SAMHD1: variants seen among roughly 807,000 people sequenced by gnomAD.
SAMHD1 encodes deoxynucleoside triphosphate triphosphohydrolase SAMHD1.
SAMHD1 carries 54 observed loss-of-function variants against 79.6 expected under a neutral mutation model. That is an observed-to-expected ratio of 0.68 (90% CI 0.55 to 0.85). The LOEUF (loss-of-function observed/expected upper bound fraction) is 0.85. SAMHD1 is among the 40% of genes least tolerant of loss of function. SAMHD1 has a pLI of 0.00. For synonymous variants in SAMHD1, 260 were observed against 264.1 expected (o/e 0.98, Z 0.15); for missense variants, 663 against 782.7 (o/e 0.85, Z 1.82).
At chr20:36,937,028 C>A (rs545130540) in intron 3 of SAMHD1, among the ~76,000 whole-genome samples, 2 of 151,744 alleles carry the variant, frequency 1.3e-5, no homozygotes, top group East Asian at 3.9e-4. Context: ...GTTATCCCAG[C>A]TACTCAGGAG....
intron 6 of SAMHD1, among the ~76,000 whole-genome samples, chr20:36,923,497 A>C (rs1201821190): frequency 1.3e-5 from 2 of 152,186 alleles, no homozygotes; most frequent in Non-Finnish European, 2.9e-5. Flanking sequence ...TAAATATATC[A>C]ATGCCAACTG....
chr20:36,910,373 A>G (rs902042523), intron 11 of SAMHD1, among the ~76,000 whole-genome samples: 5 of 152,020 alleles, frequency 3.3e-5, no homozygotes, highest in Non-Finnish European at 7.3e-5. Flanking sequence ...ACTGCACTCC[A>G]GCCTGGATGA....
rs770377403 is a variant in SAMHD1, at chr20:36,912,476, T to C, written c.1139A>G (p.Asn380Ser). Residue 380 changes from asparagine (N) to serine (S), a missense_variant, in exon 10 of 16, where the codon AAC becomes AGC. Physicochemically the swap from Asn to Ser is conservative, Grantham distance 46. Transcript: ENST00000646673. ...AGTTTCTTACATTGTATCAATAATG[T>C]TGCCAACTTTGTGTTGATAAGCTCT... is the stretch of plus-strand genomic sequence containing the variant. ...HRRAYQHKVG[N>S]IIDTMITDAF... The C allele has an allele frequency of 1.9e-6, 3 of 1,610,058 alleles. No homozygotes were observed. Among genetic ancestry groups the C allele is most frequent in the South Asian group, 2.2e-5 (2 of 90,976 alleles).
At chr20:36,897,543 C>T in intron 15 of SAMHD1, 1 of 474,806 alleles carries the variant, frequency 2.1e-6, no homozygotes. Flanking sequence ...CTTCCAGGGC[C>T]ACTGGTGAAC....
At chr20:36,924,482 A>G (rs1298749331) in intron 6 of SAMHD1, among the ~76,000 whole-genome samples, 2 of 152,204 alleles carry the variant, frequency 1.3e-5, no homozygotes, top group Admixed American at 6.5e-5. Context: ...AGAGGAGGTG[A>G]TAACAAAAGT....
intron 15 of SAMHD1, chr20:36,893,295 C>A (rs1246931202): frequency 4.8e-5 from 28 of 585,110 alleles, no homozygotes; most frequent in Non-Finnish European, 7.9e-5. Flanking sequence ...CTGGCCTCTG[C>A]AGAGATGACT....
chr20:36,909,492 A>C (rs2063423956), intron 11 of SAMHD1, among the ~76,000 whole-genome samples: 1 of 151,250 alleles, frequency 6.6e-6, no homozygotes, highest in Admixed American at 6.6e-5. Context: ...GACATGGTGA[A>C]ACCCCGTCTC....
At chr20:36,913,550 C>T (rs1346459797) in intron 9 of SAMHD1, among the ~76,000 whole-genome samples, 10 of 148,672 alleles carry the variant, frequency 6.7e-5, no homozygotes, top group Admixed American at 5.4e-4. Flanking sequence ...TTGCAGTGAG[C>T]GGAGATCACG....
rs771698070 is a variant in SAMHD1, at chr20:36,947,405, G to GGTGTGTGTGTGT, written c.209-613_209-602dup. 1.0e-4 allele frequency among the ~76,000 whole-genome samples: 3 copies of GGTGTGTGTGTGT among 29,130 alleles called. 1 individual carries two copies. The highest frequency in any genetic ancestry group is 2.4e-4 in the African/African-American group (1 of 4,134). 19.1% of individuals were successfully genotyped at this position (29,130 alleles called of 152,430 possible). A position where few individuals can be genotyped will look rare whatever the true frequency, so the allele number is the denominator to read the frequency against. ...GAAGAGGTGTGTGTGATTTGGAAGA[G>GGTGTGTGTGTGT]GTGTGTGTGTGTGTGTGTGTGTGTG... On this transcript the variant is annotated intron_variant, in intron 1 of 15. Transcript: ENST00000646673.
Position 36,935,199 on chromosome 20 carries a change from T to C in SAMHD1, c.349-10A>G. 1 of 1,606,760 alleles carries C rather than the reference T, an allele frequency of 6.2e-7. No individual in the cohort carries two copies. ...TAGGATCATTAATTACCTAGAAAAT[T>C]ATGTTTAATTAATACAAATAACGAC... On this transcript the variant is annotated splice_polypyrimidine_tract_variant and intron_variant, in intron 3 of 15. Coordinates refer to ENST00000646673, the MANE Select transcript of SAMHD1 (RefSeq NM_015474.4).
Position 36,905,227 on chromosome 20 carries a change from C to G in SAMHD1, c.1410+137G>C, listed in dbSNP as rs926511086. 25 of 940,744 alleles carry G rather than the reference C, an allele frequency of 2.7e-5. No homozygotes were observed. The Admixed American group carries it at 3.0e-4, about 11-fold the overall frequency. The allele number at this position is 940,744 out of a possible 1,614,324, so 58.3% of individuals were successfully genotyped here. On this transcript the variant is annotated intron_variant, in intron 12 of 15. Transcript: ENST00000646673. Reference sequence around the variant, plus strand: ...CTATCTGTAAAACAGGCCTAAGACCCCTGCACTACTGTGAAGATTAAATGA... The same window carrying G: ...CTATCTGTAAAACAGGCCTAAGACCGCTGCACTACTGTGAAGATTAAATGA...
chr20:36,905,718 C>A (rs1461488561), intron 11 of SAMHD1, among the ~76,000 whole-genome samples: 2 of 152,150 alleles, frequency 1.3e-5, no homozygotes, highest in Non-Finnish European at 1.5e-5. Context: ...TGCCTGCAAT[C>A]CCAGCACTCT....
At position 36,890,419 on chromosome 20, in the gene SAMHD1, T is replaced by TTTCTTTCTTTCTTTC. The variant is rs1555830171; in HGVS notation, c.*2512_*2513insGAAAGAAAGAAAGAA. 4.7e-4 allele frequency: 10 copies of TTTCTTTCTTTCTTTC among 21,358 alleles called. No homozygotes were observed. In the South Asian group the frequency reaches 7.1e-3, roughly 15 times the overall value. The allele number at this position is 21,358 out of a possible 1,614,324, so 1.3% of individuals were successfully genotyped here. ...TTCTCTTTCTTTCTTTCTTTCTTTCTTTTCTTTCTCTCTTTCCTTCCTTCC... is the reference window on the plus strand; with the variant it reads ...TTCTCTTTCTTTCTTTCTTTCTTTCTTTCTTTCTTTCTTTCTTTCTTTCTCTCTTTCCTTCCTTCC... On this transcript the variant is annotated 3_prime_UTR_variant, in exon 16 of 16. Transcript: ENST00000646673.
chr20:36,951,408 C>A, intron 1 of SAMHD1, 28 bp downstream of exon 1: 12 of 1,612,064 alleles, frequency 7.4e-6, no homozygotes, highest in Non-Finnish European at 1.0e-5. Context: ...CGCCGCCCTT[C>A]GCCCCTCAGC....
Position 36,935,480 on chromosome 20 carries a change from T to C in SAMHD1, c.349-291A>G, listed in dbSNP as rs545780645. On this transcript the variant is annotated intron_variant, in intron 3 of 15. Coordinates refer to ENST00000646673, the MANE Select transcript of SAMHD1 (RefSeq NM_015474.4). ...TATGACTTAGTCTTTAATAAGTTTG[T>C]CTTGTATTCAAGTTAAACATGCATA... The C allele has an allele frequency of 4.9e-5, 20 of 410,700 alleles. No individual in the cohort carries two copies. In the Admixed American group the frequency reaches 6.2e-4, roughly 13 times the overall value. 25.4% of individuals were successfully genotyped at this position (410,700 alleles called of 1,614,324 possible).
rs1990072883 is a variant in SAMHD1, at chr20:36,891,508, G to GCT, written c.*1422_*1423dup. 6.6e-6 allele frequency: 1 copy of GCT among 152,554 alleles called. No individual in the cohort carries two copies. Among genetic ancestry groups the GCT allele is most frequent in the African/African-American group, 2.4e-5 (1 of 41,432 alleles). 9.5% of individuals were successfully genotyped at this position (152,554 alleles called of 1,614,324 possible). The stretch of plus-strand genomic sequence containing the variant: ...CACCCTCTGGCCACCACCAGCTTTG[G>GCT]CTCTAACTGCAGACTTTGTTCTTGG... On this transcript the variant is annotated 3_prime_UTR_variant, in exon 16 of 16. Transcript: ENST00000646673.
chr20:36,937,331 G>T (rs772477973), intron 3 of SAMHD1, among the ~76,000 whole-genome samples: 1 of 151,862 alleles, frequency 6.6e-6, no homozygotes, highest in Non-Finnish European at 1.5e-5. Flanking sequence ...TCTTAAATAT[G>T]ACACTAAAAG....
intron 15 of SAMHD1, among the ~76,000 whole-genome samples, chr20:36,894,509 G>A (rs1415632165): frequency 6.6e-6 from 1 of 151,454 alleles, no homozygotes; most frequent in Non-Finnish European, 1.5e-5. Flanking sequence ...GTTCATGCCT[G>A]TAATCCCAAC....
At chr20:36,916,519 C>T (rs1398723398) in intron 9 of SAMHD1, 1 of 514,336 alleles carries the variant, frequency 1.9e-6, no homozygotes, top group Non-Finnish European at 3.4e-6. Context: ...CAGTGTCTAA[C>T]TCAAAACTTA....
Sources: allele counts gnomAD v4.1 joint callset (sites outside exome capture counted in the v4.1 genomes callset), GRCh38; gene constraint gnomAD v4.1.1; transcripts MANE v1.5; gene names NCBI Gene and HGNC (gene_info 2026-07-23, HGNC 2026-07-21).